The following FAM78B variants were observed in gnomAD, a reference collection of about 807,000 sequenced individuals.
FAM78B encodes the protein family with sequence similarity 78 member B, also known as protein FAM78B.
In FAM78B, 10 loss-of-function variants were observed where a neutral mutation model predicts 20.0. The ratio of observed to expected loss-of-function variants is 0.50; its 90% CI spans 0.31 to 0.85. The LOEUF is 0.85. Ranked by LOEUF, FAM78B falls within the 40% of genes least tolerant of loss-of-function variation. FAM78B has a pLI of 0.05. For synonymous variants in FAM78B, 135 were observed against 132.8 expected (o/e 1.02, Z -0.12); for missense variants, 283 against 345.0 (o/e 0.82, Z 1.42).
At chr1:166,104,536 C>A (rs1206937883) in intron 1 of FAM78B, among the ~76,000 whole-genome samples, 4 of 151,988 alleles carry the variant, frequency 2.6e-5, no homozygotes, top group African/African-American at 9.7e-5. Context: ...GTGCAAAAAT[C>A]ACAAGCATTC....
intron 2 of FAM78B, among the ~76,000 whole-genome samples, chr1:166,062,008 A>G (rs1651620077): frequency 6.6e-6 from 1 of 152,252 alleles, no homozygotes; most frequent in South Asian, 2.1e-4. Flanking sequence ...TTATTATACA[A>G]TAAGGGTGTC....
chr1:166,135,573 A>C (rs1655037698), intron 1 of FAM78B, among the ~76,000 whole-genome samples: 1 of 152,258 alleles, frequency 6.6e-6, no homozygotes. Context: ...CAGTAGCATG[A>C]GACATGTTGG....
chr1:166,078,455 T>C lies in FAM78B; in HGVS notation c.264-7692A>G, dbSNP rs572389318. Among the ~76,000 whole-genome samples, 57 of 152,368 alleles carry C rather than the reference T, an allele frequency of 3.7e-4. 1 individual carries two copies. The highest frequency in any genetic ancestry group is 6.8e-3 in the Middle Eastern group (2 of 294). On this transcript the variant is annotated intron_variant, in intron 1 of 1. Coordinates refer to ENST00000354422, the MANE Select transcript of FAM78B (RefSeq NM_001017961.5). Reference sequence around the variant, plus strand: ...AGCTCACAGCTAATGGACTTGCCAATGGGCCTAATAATGAAAACATTGATT... The same window carrying C: ...AGCTCACAGCTAATGGACTTGCCAACGGGCCTAATAATGAAAACATTGATT...
chr1:166,062,033 A>T (rs1047005588), intron 2 of FAM78B, among the ~76,000 whole-genome samples: 16 of 152,004 alleles, frequency 1.1e-4, no homozygotes, highest in African/African-American at 3.9e-4. Flanking sequence ...GGTGAGGAAA[A>T]TTTTTCTCCA....
At chr1:166,126,514 G>C (rs753039014) in intron 1 of FAM78B, among the ~76,000 whole-genome samples, 25 of 152,114 alleles carry the variant, frequency 1.6e-4, no homozygotes, top group Non-Finnish European at 2.8e-4. Context: ...GACGATAACT[G>C]AGCAAAAATT....
At chr1:166,131,940 A>G (rs1343575406) in intron 1 of FAM78B, among the ~76,000 whole-genome samples, 2 of 152,144 alleles carry the variant, frequency 1.3e-5, no homozygotes, top group African/African-American at 4.8e-5. Context: ...AGTGGTGTAC[A>G]TGCATTGCTC....
At chr1:166,117,864 C>T (rs1654318433) in intron 1 of FAM78B, among the ~76,000 whole-genome samples, 1 of 152,052 alleles carries the variant, frequency 6.6e-6, no homozygotes, top group Admixed American at 6.6e-5. Flanking sequence ...AGGAGCACAG[C>T]TGGAATGGAA....
downstream of FAM78B, among the ~76,000 whole-genome samples, chr1:166,056,960 G>C (rs1266510774): frequency 6.6e-6 from 1 of 152,168 alleles, no homozygotes; most frequent in East Asian, 1.9e-4. Context: ...GCCCAAGGAA[G>C]CTCATTTGTC....
At chr1:166,119,073 G>GGA (rs149111581) in intron 1 of FAM78B, among the ~76,000 whole-genome samples, 25 of 151,742 alleles carry the variant, frequency 1.6e-4, no homozygotes, top group African/African-American at 5.1e-4. Flanking sequence ...AGTAGGAGTA[G>GGA]GAGAGAGAGA....
intron 1 of FAM78B, among the ~76,000 whole-genome samples, chr1:166,162,088 C>A (rs1475958355): frequency 1.3e-5 from 2 of 152,190 alleles, no homozygotes; most frequent in Admixed American, 1.3e-4. Context: ...CAGTTCCACA[C>A]AGAGAAGCCC....
chr1:166,111,327 C>T, intron 1 of FAM78B, among the ~76,000 whole-genome samples: 1 of 152,202 alleles, frequency 6.6e-6, no homozygotes, highest in East Asian at 1.9e-4. Context: ...TATTGAATTT[C>T]ATATTTGCTC....
At chr1:166,161,880 C>G (rs1656158669) in intron 1 of FAM78B, among the ~76,000 whole-genome samples, 1 of 152,148 alleles carries the variant, frequency 6.6e-6, no homozygotes, top group African/African-American at 2.4e-5. Flanking sequence ...TGTGTCATGT[C>G]ATCATTGTGC....
At chr1:166,154,935 C>T (rs1185645991) in intron 1 of FAM78B, 1 of 426,232 alleles carries the variant, frequency 2.3e-6, no homozygotes, top group African/African-American at 2.0e-5. Flanking sequence ...TTCTTCTGGC[C>T]ATTTCTCTAC....
At chr1:166,163,718 T>C (rs1375546289) in intron 1 of FAM78B, among the ~76,000 whole-genome samples, 1 of 152,238 alleles carries the variant, frequency 6.6e-6, no homozygotes, top group Non-Finnish European at 1.5e-5. Flanking sequence ...AAATATCTTG[T>C]GGAAATTGGT....
intron 1 of FAM78B, among the ~76,000 whole-genome samples, chr1:166,104,148 C>T (rs1653664316): frequency 6.6e-6 from 1 of 152,152 alleles, no homozygotes; most frequent in Admixed American, 6.5e-5. Flanking sequence ...TGACAAAATT[C>T]AACAGCCCTT....
downstream of FAM78B, among the ~76,000 whole-genome samples, chr1:166,069,226 C>T (rs1348531483): frequency 2.6e-5 from 4 of 151,350 alleles, no homozygotes; most frequent in Non-Finnish European, 5.9e-5. Flanking sequence ...TGCATGTGTG[C>T]ATGTGTGTGT....
At chr1:166,113,789 G>A (rs1231739514) in intron 1 of FAM78B, among the ~76,000 whole-genome samples, 1 of 152,216 alleles carries the variant, frequency 6.6e-6, no homozygotes, top group Non-Finnish European at 1.5e-5. Context: ...ACAGGCATAG[G>A]AGATGGGCCA....
At chr1:166,088,408 C>T (rs1400751619) in intron 1 of FAM78B, among the ~76,000 whole-genome samples, 1 of 152,124 alleles carries the variant, frequency 6.6e-6, no homozygotes, top group African/African-American at 2.4e-5. Flanking sequence ...CATCTGCAGA[C>T]CCTGCTGGGT....
intron 1 of FAM78B, among the ~76,000 whole-genome samples, chr1:166,102,874 G>C (rs919316196): frequency 3.9e-5 from 6 of 152,146 alleles, no homozygotes; most frequent in Admixed American, 2.6e-4. Context: ...GACATCTACA[G>C]AACTCTCCAC....
Sources: gnomAD v4.1 joint callset for allele counts (sites outside exome capture counted in the v4.1 genomes callset) on GRCh38, gnomAD v4.1.1 for gene constraint, MANE v1.5 for transcripts, NCBI Gene and HGNC (gene_info 2026-07-23, HGNC 2026-07-21) for gene names.